The following ZFAND3 variants were observed in gnomAD, a reference collection of about 807,000 sequenced individuals.
ZFAND3 encodes zinc finger AN1-type containing 3, also known as AN1-type zinc finger protein 3.
A neutral mutation model predicts 29.6 loss-of-function variants in ZFAND3; 10 were observed. The observed-to-expected ratio is 0.34, with a 90% CI of 0.21 to 0.57. The LOEUF (loss-of-function observed/expected upper bound fraction) is 0.57. Ranked by LOEUF, ZFAND3 falls within the 20% of genes least tolerant of loss-of-function variation. The probability of loss-of-function intolerance (pLI) is 0.86; values close to 1 mark genes in which losing one functional copy is unlikely to be tolerated. For synonymous variants in ZFAND3, 128 were observed against 112.6 expected (o/e 1.14, Z -0.87); for missense variants, 230 against 304.5 (o/e 0.76, Z 1.82).
intron 5 of ZFAND3, among the ~76,000 whole-genome samples, chr6:38,126,463 G>A (rs1274133432): frequency 6.6e-6 from 1 of 152,198 alleles, no homozygotes; most frequent in African/African-American, 2.4e-5. Context: ...AACATTGTAA[G>A]AAACTTCCAA....
chr6:38,017,351 G>T (rs966077949), intron 2 of ZFAND3, among the ~76,000 whole-genome samples: 1 of 152,202 alleles, frequency 6.6e-6, no homozygotes, highest in Non-Finnish European at 1.5e-5. Context: ...GCTGTTTGGC[G>T]TTACAGTTAG....
At chr6:38,110,576 G>A (rs901555006) in intron 4 of ZFAND3, among the ~76,000 whole-genome samples, 7 of 152,106 alleles carry the variant, frequency 4.6e-5, no homozygotes, top group Non-Finnish European at 1.0e-4. Flanking sequence ...GTGAGGGTTC[G>A]TTAATTATTG....
intron 2 of ZFAND3, among the ~76,000 whole-genome samples, chr6:38,000,273 C>T (rs1762923068): frequency 6.6e-6 from 1 of 152,166 alleles, no homozygotes; most frequent in Admixed American, 6.5e-5. Context: ...AAATTCTTCT[C>T]ATCTAATTCT....
intron 1 of ZFAND3, among the ~76,000 whole-genome samples, chr6:37,831,877 G>A (rs1272207183): frequency 1.3e-5 from 2 of 152,216 alleles, no homozygotes; most frequent in South Asian, 2.1e-4. Context: ...TTGCTGCACT[G>A]TTGAACTTAA....
chr6:37,909,360 T>A (rs259674), intron 1 of ZFAND3, among the ~76,000 whole-genome samples: 107,245 of 150,472 alleles, frequency 0.71, 38,941 homozygotes, highest in African/African-American at 0.82. Flanking sequence ...GCTCACTGCA[T>A]CCTCCGCCTC....
chr6:37,851,490 A>T (rs939753541), intron 1 of ZFAND3, among the ~76,000 whole-genome samples: 1 of 143,648 alleles, frequency 7.0e-6, no homozygotes. Context: ...TCTGCCTCCA[A>T]ACTATCTTGT....
Position 38,064,465 on chromosome 6 carries a change from A to C in ZFAND3, c.295+2690A>C, listed in dbSNP as rs566002858. On this transcript the variant is annotated intron_variant, in intron 3 of 5. Coordinates refer to ENST00000287218, the MANE Select transcript of ZFAND3 (RefSeq NM_021943.3). Reference sequence around the variant, plus strand: ...TGGTCACAAACGAGTAGATACCAGAACCAGGATTCAAATTTAGGCATTTGG... The same window carrying C: ...TGGTCACAAACGAGTAGATACCAGACCCAGGATTCAAATTTAGGCATTTGG... Among the ~76,000 whole-genome samples the C allele has an allele frequency of 1.2e-4, 18 of 152,356 alleles. No homozygotes were observed. In the South Asian group the frequency reaches 3.7e-3, roughly 32 times the overall value.
intron 1 of ZFAND3, among the ~76,000 whole-genome samples, chr6:37,923,745 A>G (rs1439922677): frequency 3.3e-5 from 5 of 152,174 alleles, no homozygotes; most frequent in Non-Finnish European, 7.3e-5. Context: ...TTGGCTGCAT[A>G]ATAATCTTAT....
intron 3 of ZFAND3, among the ~76,000 whole-genome samples, chr6:38,078,062 G>A (rs1764588500): frequency 2.6e-5 from 4 of 152,182 alleles, no homozygotes; most frequent in Admixed American, 2.6e-4. Context: ...TGAGTATGCA[G>A]ATTTGACCCA....
intron 3 of ZFAND3, among the ~76,000 whole-genome samples, chr6:38,062,148 A>G (rs774385533): frequency 3.3e-5 from 5 of 152,178 alleles, no homozygotes; most frequent in Non-Finnish European, 7.4e-5. Flanking sequence ...GAGGATTTCT[A>G]ATATGCAGCA....
chr6:37,994,462 T>A (rs956027501), intron 2 of ZFAND3, among the ~76,000 whole-genome samples: 1 of 152,190 alleles, frequency 6.6e-6, no homozygotes, highest in East Asian at 1.9e-4. Flanking sequence ...AGACATTACT[T>A]TTCTCTCAGA....
chr6:38,131,837 G>A (rs1426990779), intron 5 of ZFAND3, among the ~76,000 whole-genome samples: 2 of 152,232 alleles, frequency 1.3e-5, no homozygotes, highest in African/African-American at 4.8e-5. Flanking sequence ...TGAGCCTGCT[G>A]CTTATGATTA....
rs371346546 is a variant in ZFAND3 at position 38,071,875 on chromosome 6, A to G, written c.295+10100A>G. 5.3e-5 allele frequency among the ~76,000 whole-genome samples: 8 copies of G among 152,282 alleles called. No homozygotes were observed. In the South Asian group the frequency reaches 1.0e-3, roughly 20 times the overall value. ...TGGTTAGTGATTTAAATATTTAGGAAAAGTTTTGTTTTTAATTTTTCTTAC... is the reference window on the plus strand; with the variant it reads ...TGGTTAGTGATTTAAATATTTAGGAGAAGTTTTGTTTTTAATTTTTCTTAC... On this transcript the variant is annotated intron_variant, in intron 3 of 5. Transcript: ENST00000287218.
intron 1 of ZFAND3, among the ~76,000 whole-genome samples, chr6:37,869,310 C>T (rs553862832): frequency 6.6e-6 from 1 of 152,142 alleles, no homozygotes; most frequent in Admixed American, 6.5e-5. Context: ...ATTACAGGCG[C>T]ACCACGCCTG....
At chr6:38,013,313 G>A (rs1763193493) in intron 2 of ZFAND3, among the ~76,000 whole-genome samples, 1 of 152,066 alleles carries the variant, frequency 6.6e-6, no homozygotes, top group Admixed American at 6.5e-5. Context: ...CTTCAGTCTT[G>A]CCTAGTAAAG....
At chr6:37,820,059 G>A (rs1415162226) in intron 1 of ZFAND3, 43 bp downstream of exon 1, 5 of 1,160,012 alleles carry the variant, frequency 4.3e-6, no homozygotes, top group African/African-American at 1.6e-5. Flanking sequence ...GGGGCCGGGG[G>A]CGCAGACGCC....
chr6:38,028,025 C>T (rs571848315), intron 2 of ZFAND3, among the ~76,000 whole-genome samples: 13 of 152,296 alleles, frequency 8.5e-5, no homozygotes, highest in Admixed American at 3.3e-4. Flanking sequence ...AAGTTGTCTG[C>T]TCTGTTTAAG....
Position 37,865,123 on chromosome 6 carries a change from C to T in ZFAND3, c.71+45107C>T, listed in dbSNP as rs189614511. ...AACCTGGGAGGTGGAGGTTTCAGTG[C>T]GCCGATAGCGTGCCACTGCACTCCA... On this transcript the variant is annotated intron_variant, in intron 1 of 5. Coordinates refer to ENST00000287218, the MANE Select transcript of ZFAND3 (RefSeq NM_021943.3). 3.8e-4 allele frequency among the ~76,000 whole-genome samples: 58 copies of T among 152,140 alleles called. 1 individual carries two copies. The South Asian group carries it at 5.2e-3, about 14-fold the overall frequency.
chr6:38,148,205 T>C (rs1766149299), intron 5 of ZFAND3, among the ~76,000 whole-genome samples: 1 of 152,238 alleles, frequency 6.6e-6, no homozygotes, highest in Non-Finnish European at 1.5e-5. Flanking sequence ...CACCATTTAT[T>C]GAAGAGGATT....
Sources: allele counts gnomAD v4.1 joint callset (sites outside exome capture counted in the v4.1 genomes callset), GRCh38; gene constraint gnomAD v4.1.1; transcripts MANE v1.5; gene names NCBI Gene and HGNC (gene_info 2026-07-23, HGNC 2026-07-21).